Variants in MAMSTR observed in about 807,000 individuals in gnomAD.
MAMSTR encodes the protein MEF2-activating motif and SAP domain-containing transcriptional regulator.
MAMSTR carries 41 observed loss-of-function variants against 42.7 expected under a neutral mutation model. The ratio of observed to expected loss-of-function variants is 0.96; its 90% CI spans 0.75 to 1.25. The LOEUF is 1.25. Ranked by LOEUF, MAMSTR falls within the 50% of genes most tolerant of loss-of-function variation. The pLI, the probability that MAMSTR is intolerant of heterozygous loss-of-function variation, is 0.00. For missense variants in MAMSTR, 567 were observed against 557.6 expected (o/e 1.02, Z -0.17); for synonymous variants, 265 against 244.1 (o/e 1.09, Z -0.80).
downstream of MAMSTR, among the ~76,000 whole-genome samples, chr19:48,711,478 C>T (rs1256170349): frequency 6.6e-6 from 1 of 152,188 alleles, no homozygotes; most frequent in African/African-American, 2.4e-5. Flanking sequence ...CCCTGCTGAG[C>T]CCAGTCAACC....
At chr19:48,706,150 G>A in the MAMSTR span, among the ~76,000 whole-genome samples, 1 of 151,020 alleles carries the variant, frequency 6.6e-6, no homozygotes, top group Admixed American at 6.6e-5. Flanking sequence ...AGCCAGGGGT[G>A]GTGGTGCAGA....
chr19:48,715,047 A>G (rs889692687), intron 5 of MAMSTR, 139 bp from the exon 6 acceptor site: 11 of 685,342 alleles, frequency 1.6e-5, no homozygotes, highest in Non-Finnish European at 2.5e-5. Context: ...GGGCGCAAAC[A>G]TGGGGCTAGA....
chr19:48,719,183 C>A lies in MAMSTR; in HGVS notation c.-21-131G>T. ...AGGTGGGAATAGGAGCAGCCTTGGG[C>A]CATAACTTCCGGATCCCAGGGGCTG... On this transcript the variant is annotated intron_variant, in intron 1 of 9. Coordinates refer to ENST00000318083, the MANE Select transcript of MAMSTR (RefSeq NM_001130915.2). This position sits in a 1 kb window ranked among gnomAD's most constrained non-coding sequence, Gnocchi z 4.4. The A allele has an allele frequency of 1.5e-6, 1 of 645,586 alleles. No homozygotes were observed. The highest frequency in any genetic ancestry group is 1.7e-5 in the South Asian group (1 of 57,580). The allele number at this position is 645,586 out of a possible 1,614,324, so 40.0% of individuals were successfully genotyped here. A position where few individuals can be genotyped will look rare whatever the true frequency, so the allele number is the denominator to read the frequency against.
Position 48,714,524 on chromosome 19 carries a change from G to A in MAMSTR, c.565C>T (p.Leu189Phe). 6.9e-7 allele frequency: 1 copy of A among 1,455,244 alleles called. No individual in the cohort carries two copies. The highest frequency in any genetic ancestry group is 9.0e-7 in the Non-Finnish European group (1 of 1,116,128). The allele number at this position is 1,455,244 out of a possible 1,614,324, so 90.1% of individuals were successfully genotyped here. The change falls in exon 7 of 10, where the codon CTC becomes TTC. Residue 189 changes from leucine to phenylalanine, a missense_variant. Physicochemically the swap from Leu to Phe is conservative, Grantham distance 22 (BLOSUM62 0). Coordinates refer to ENST00000318083, the MANE Select transcript of MAMSTR (RefSeq NM_001130915.2). ...ATAGACTTGGTCCCCGACACTGGGA[G>A]GCCCCGCAGGCGCAGCTGCTGCCGG... The part of the protein sequence containing the change: ...ELRQQLRLRG[L>F]PVSGTKSMLL...
chr19:48,718,195 G>T (rs1601257651), intron 2 of MAMSTR, among the ~76,000 whole-genome samples: 1 of 152,162 alleles, frequency 6.6e-6, no homozygotes, highest in East Asian at 1.9e-4. Flanking sequence ...CCCCCAATTT[G>T]GGAGCAAGGA....
chr19:48,716,449 C>T (rs1446395146), intron 3 of MAMSTR, among the ~76,000 whole-genome samples: 1 of 148,754 alleles, frequency 6.7e-6, no homozygotes, highest in East Asian at 2.0e-4. Flanking sequence ...GGATGCCTGT[C>T]TTCTCCAAAG....
At position 48,713,532 on chromosome 19, in the gene MAMSTR, G is replaced by A. The variant is rs770569678; in HGVS notation, c.983C>T (p.Pro328Leu). 6.2e-7 allele frequency: 1 copy of A among 1,611,878 alleles called. No individual in the cohort carries two copies. The stretch of plus-strand genomic sequence containing the variant: ...GTCGAAGGAGCCAGGGAAGTCCAGG[G>A]GAATAGGGGGCAGGGGGTCTGCGGG... ...VEPDDPLPPI[P>L]LDFPGSFDVL... Residue 328 changes from proline to leucine, a missense_variant, in exon 10 of 10, where the codon CCC (proline) becomes CTC (leucine). Transcript: ENST00000318083.
intron 3 of MAMSTR, among the ~76,000 whole-genome samples, chr19:48,716,164 T>C (rs1483592415): frequency 6.6e-6 from 1 of 151,634 alleles, no homozygotes; most frequent in Non-Finnish European, 1.5e-5. Flanking sequence ...TCACTTGAGG[T>C]CAGGAGTTCA....
In MAMSTR at chr19:48,714,926, G is replaced by A. The variant is rs769432890; in HGVS notation, c.426-18C>T. 2 of 1,539,460 alleles carry A rather than the reference G, an allele frequency of 1.3e-6. No homozygotes were observed. Among genetic ancestry groups the A allele is most frequent in the Non-Finnish European group, 1.8e-6 (2 of 1,119,718 alleles). ...GCTTCATCCTGGTGATAATCGTGAGGGGCGAACAAAGGTTAGAGAGGTAGA... is the reference window on the plus strand; with the variant it reads ...GCTTCATCCTGGTGATAATCGTGAGAGGCGAACAAAGGTTAGAGAGGTAGA... On this transcript the variant is annotated intron_variant, in intron 5 of 9. Transcript: ENST00000318083.
chr19:48,711,296 T>G (rs937344202), downstream of MAMSTR, among the ~76,000 whole-genome samples: 1 of 152,188 alleles, frequency 6.6e-6, no homozygotes, highest in Admixed American at 6.6e-5. Flanking sequence ...CACAGAGGAA[T>G]AGTGCTGACA....
intron 3 of MAMSTR, 49 bp downstream of exon 3, chr19:48,716,656 G>T: frequency 1.3e-5 from 17 of 1,331,158 alleles, no homozygotes; most frequent in South Asian, 2.1e-5. Context: ...GGATATCCCA[G>T]TGGGGAGTGG....
At chr19:48,705,978 A>G in the MAMSTR span, 1 of 156,400 alleles carries the variant, frequency 6.4e-6, no homozygotes, top group Non-Finnish European at 1.5e-5. Flanking sequence ...AGCGTATTAC[A>G]TAAGTATCAC....
rs958413589 is a variant in MAMSTR, at chr19:48,719,056, G to A, written c.-21-4C>T. The A allele has an allele frequency of 6.5e-7, 1 of 1,549,960 alleles. No individual in the cohort carries two copies. On this transcript the variant is annotated splice_region_variant and splice_polypyrimidine_tract_variant and intron_variant, in intron 1 of 9. Transcript: ENST00000318083. The surrounding 1 kb of genome is among the most constrained non-coding windows in gnomAD (Gnocchi z 4.4). ...TTGCCAAGGCCGGGATGGGGACCTG[G>A]ACGGAGAGGGGGCAGGGCAGGGGCC... is the stretch of plus-strand genomic sequence containing the variant.
At position 48,715,456 on chromosome 19, in the gene MAMSTR, C is replaced by T. The variant is rs1186176759; in HGVS notation, c.241-10G>A. On this transcript the variant is annotated splice_polypyrimidine_tract_variant and intron_variant, in intron 4 of 9. Coordinates refer to ENST00000318083, the MANE Select transcript of MAMSTR (RefSeq NM_001130915.2). ...AGATCTTGGGAGACTCCTGAAAGAG[C>T]AGGTGTGATGTTTTAGGCTTCAGCG... 3 of 1,483,344 alleles carry T rather than the reference C, an allele frequency of 2.0e-6. No homozygotes were observed. The highest frequency in any genetic ancestry group is 1.4e-5 in the African/African-American group (1 of 69,866). The allele number at this position is 1,483,344 out of a possible 1,614,324, so 91.9% of individuals were successfully genotyped here.
downstream of MAMSTR, among the ~76,000 whole-genome samples, chr19:48,707,831 AAAGAAAG>A (rs1477243012): frequency 0.018 from 2,159 of 118,316 alleles, 73 homozygotes; most frequent in African/African-American, 0.066. Flanking sequence ...AAAGACAAAG[AAAGAAAG>A]GAAAGAAAGA....
downstream of MAMSTR, among the ~76,000 whole-genome samples, chr19:48,709,172 C>T (rs1337659535): frequency 6.6e-6 from 1 of 151,862 alleles, no homozygotes. Flanking sequence ...CACCTGTAAT[C>T]CCAGTACTTT....
In MAMSTR at chr19:48,714,615, G is replaced by A. The variant is rs1483065643; in HGVS notation, c.529-55C>T. 3.5e-6 allele frequency: 5 copies of A among 1,424,548 alleles called. No homozygotes were observed. In the African/African-American group the frequency reaches 4.3e-5, roughly 12 times the overall value. 88.2% of individuals were successfully genotyped at this position (1,424,548 alleles called of 1,614,324 possible). A position where few individuals can be genotyped will look rare whatever the true frequency, so the allele number is the denominator to read the frequency against. On this transcript the variant is annotated intron_variant, in intron 6 of 9. Transcript: ENST00000318083. Reference sequence around the variant, plus strand: ...AGTGCTGGGCGGGCTCCCGGGCGCAGGCAGGAGCTGGACAGGATATTTGGA... The same window carrying A: ...AGTGCTGGGCGGGCTCCCGGGCGCAAGCAGGAGCTGGACAGGATATTTGGA...
intron 9 of MAMSTR, 32 bp from the exon 10 acceptor site, chr19:48,713,582 A>C (rs989830141): frequency 1.2e-5 from 20 of 1,602,384 alleles, no homozygotes; most frequent in Non-Finnish European, 1.6e-5. Context: ...ATGAGCTTGG[A>C]AAGTCAGGGG....
At chr19:48,708,752 G>C (rs1358880910), downstream of MAMSTR, among the ~76,000 whole-genome samples, 1 of 152,122 alleles carries the variant, frequency 6.6e-6, no homozygotes, top group African/African-American at 2.4e-5. Flanking sequence ...GCAGGTGGGG[G>C]GCCTGGCAGA....
Sources: allele counts gnomAD v4.1 joint callset (sites outside exome capture counted in the v4.1 genomes callset), GRCh38; gene constraint gnomAD v4.1.1; non-coding constraint Gnocchi (gnomAD v3.1); transcripts MANE v1.5; gene names NCBI Gene and HGNC (gene_info 2026-07-23, HGNC 2026-07-21).